Variants in SUCO observed in about 807,000 individuals in gnomAD.
The protein encoded by SUCO is SUN domain containing ossification factor.
SUCO carries 57 observed loss-of-function variants against 148.1 expected under a neutral mutation model. The observed-to-expected ratio is 0.38, with a 90% CI of 0.31 to 0.48. The LOEUF (loss-of-function observed/expected upper bound fraction) is 0.48. SUCO is among the 20% of genes least tolerant of loss of function. The pLI is 0.96. For missense variants in SUCO, 1,331 were observed against 1,468.2 expected, an observed-to-expected ratio of 0.91 and a Z score of 1.53; for synonymous variants, 470 against 502.7, an observed-to-expected ratio of 0.93 and a Z score of 0.87.
chr1:172,587,569 T>A (rs1656331048), intron 17 of SUCO, among the ~76,000 whole-genome samples: 1 of 152,140 alleles, frequency 6.6e-6, no homozygotes, highest in Non-Finnish European at 1.5e-5. Flanking sequence ...GAAATATTAT[T>A]AGAGACTAAA....
intron 13 of SUCO, 80 bp from the exon 14 acceptor site, chr1:172,578,218 A>T: frequency 9.2e-7 from 1 of 1,081,966 alleles, no homozygotes; most frequent in Admixed American, 1.8e-5. Flanking sequence ...ACCAAAGTTG[A>T]TGTTTGTCAT....
chr1:172,573,151 C>T (rs1233352195), intron 9 of SUCO, among the ~76,000 whole-genome samples: 2 of 152,112 alleles, frequency 1.3e-5, no homozygotes, highest in Non-Finnish European at 2.9e-5. Context: ...GCCATCACCA[C>T]AATAAAGATA....
intron 19 of SUCO, among the ~76,000 whole-genome samples, chr1:172,595,934 C>G (rs1165773863): frequency 6.6e-6 from 1 of 152,190 alleles, no homozygotes; most frequent in African/African-American, 2.4e-5. Context: ...TAGATTTGGT[C>G]TTTTCACATA....
chr1:172,569,522 T>C (rs1654789920), intron 7 of SUCO: 1 of 981,218 alleles, frequency 1.0e-6, no homozygotes. Context: ...GTTTTACATA[T>C]GATGTTTCAA....
intron 22 of SUCO, among the ~76,000 whole-genome samples, chr1:172,606,310 A>C (rs1191574773): frequency 6.7e-6 from 1 of 150,002 alleles, no homozygotes; most frequent in South Asian, 2.1e-4. Flanking sequence ...CCATGCTTTC[A>C]TTAAGATTTT....
At position 172,589,510 on chromosome 1, in the gene SUCO, G is replaced by A. The variant is rs1656480923; in HGVS notation, c.2409G>A (p.Met803Ile). The A allele has an allele frequency of 6.2e-7, 1 of 1,612,814 alleles. No homozygotes were observed. ...AAACAAATAAAGTTAATGAGTTAAT[G>A]GATAATATTATAAAAGAAGATGTGA... ...TYETNKVNEL[M>I]DNIIKEDVNS... The change falls in exon 18 of 24, where the codon ATG becomes ATA. Residue 803 changes from methionine (M) to isoleucine (I), a missense_variant. This residue lies in a region of SUCO where 992 missense variants were observed against 1,093.5 expected (regional missense o/e 0.91). Coordinates refer to ENST00000263688, the MANE Select transcript of SUCO (RefSeq NM_014283.5).
At position 172,589,657 on chromosome 1, in the gene SUCO, T is replaced by G. The variant is rs114477288; in HGVS notation, c.2556T>G (p.Thr852=). ...ATATAGCTGACACAGCAAAGCAAAC[T>G]TTGATTTCTGTTGTGGATTCTTCTT... ...KMNIADTAKQ[T]LISVVDSSSL... The change falls in exon 18 of 24, where the codon ACT becomes ACG. Residue 852 remains threonine, a synonymous_variant. Transcript: ENST00000263688. 18 of 1,613,878 alleles carry G rather than the reference T, an allele frequency of 1.1e-5. No homozygotes were observed. The African/African-American group carries it at 2.4e-4, about 22-fold the overall frequency.
chr1:172,588,717 C>A, intron 17 of SUCO, 43 bp from the exon 18 acceptor site: 1 of 1,320,932 alleles, frequency 7.6e-7, no homozygotes, highest in Non-Finnish European at 9.8e-7. Context: ...CAACTTTAGA[C>A]TTCTAAGTAA....
In SUCO at chr1:172,574,724, C is replaced by T. The variant is rs149699523; in HGVS notation, c.1157+726C>T. Reference sequence around the variant, plus strand: ...TTCATAAATACTTTTTGAGTGTCCACGATATGCCATGTAGGATGCTGTTTC... The same window carrying T: ...TTCATAAATACTTTTTGAGTGTCCATGATATGCCATGTAGGATGCTGTTTC... On this transcript the variant is annotated intron_variant, in intron 10 of 23. Transcript: ENST00000263688. 6.5e-4 allele frequency: 113 copies of T among 174,302 alleles called. 1 individual carries two copies. The East Asian group carries it at 0.012, about 18-fold the overall frequency. The allele number at this position is 174,302 out of a possible 1,614,324, so 10.8% of individuals were successfully genotyped here.
intron 13 of SUCO, 82 bp downstream of exon 13, chr1:172,577,901 A>G: frequency 9.3e-7 from 1 of 1,079,338 alleles, no homozygotes; most frequent in Non-Finnish European, 1.3e-6. Context: ...GTGAAGAAAT[A>G]ATTTTCTCTT....
At chr1:172,558,358 T>C (rs1179459195) in intron 6 of SUCO, among the ~76,000 whole-genome samples, 2 of 152,214 alleles carry the variant, frequency 1.3e-5, no homozygotes, top group Non-Finnish European at 2.9e-5. Flanking sequence ...TCATGCACTG[T>C]AGAATTTCTT....
At chr1:172,590,320 T>C in intron 18 of SUCO, 6 of 983,996 alleles carry the variant, frequency 6.1e-6, no homozygotes, top group Non-Finnish European at 7.2e-6. Flanking sequence ...CACTTAAGAG[T>C]TTAGATAAGT....
intron 1 of SUCO, chr1:172,543,067 A>G: frequency 1.0e-6 from 1 of 955,790 alleles, no homozygotes; most frequent in South Asian, 4.8e-5. Flanking sequence ...CATGTAGAGT[A>G]GCTTCATACT....
chr1:172,600,045 AT>A lies in SUCO; in HGVS notation c.2914-18del. The A allele has an allele frequency of 6.5e-7, 1 of 1,531,618 alleles. No homozygotes were observed. The highest frequency in any genetic ancestry group is 8.8e-7 in the Non-Finnish European group (1 of 1,138,180). The allele number at this position is 1,531,618 out of a possible 1,614,324, so 94.9% of individuals were successfully genotyped here. Reference sequence around the variant, plus strand: ...GTTTGTAGTTAATATTCAAAAAAAAATAAATTCCTTTATCATAGGATCAGCG... The same window carrying A: ...GTTTGTAGTTAATATTCAAAAAAAAAAAATTCCTTTATCATAGGATCAGCG... On this transcript the variant is annotated intron_variant, in intron 19 of 23. Coordinates refer to ENST00000263688, the MANE Select transcript of SUCO (RefSeq NM_014283.5).
chr1:172,532,722 A>G (rs191432816), upstream of SUCO: 34 of 1,614,002 alleles, frequency 2.1e-5, no homozygotes, highest in Middle Eastern at 4.9e-4. Flanking sequence ...GGACTGGGAA[A>G]GAGAAAAACG....
At chr1:172,590,278 C>T (rs967888230) in intron 18 of SUCO, 3 of 960,804 alleles carry the variant, frequency 3.1e-6, no homozygotes, top group Non-Finnish European at 3.7e-6. Context: ...GTATATAGAC[C>T]TTAAAGCTTT....
Position 172,557,327 on chromosome 1 carries a change from C to T in SUCO, c.491C>T (p.Thr164Ile). The T allele has an allele frequency of 1.9e-6, 3 of 1,613,890 alleles. No homozygotes were observed. The highest frequency in any genetic ancestry group is 2.5e-6 in the Non-Finnish European group (3 of 1,179,876). Residue 164 changes from threonine to isoleucine, a missense_variant, in exon 5 of 24, where the codon ACT becomes ATT. By Grantham distance (89) the Thr-to-Ile change is moderately conservative (BLOSUM62 -1). Transcript: ENST00000263688. ...GTIPIAKPSE[T>I]EQSETDCDVG... ...ATTCCGATAGCCAAACCAAGTGAAA[C>T]TGAGCAGTCTGAAACTGATTGTGAT... is the stretch of plus-strand genomic sequence containing the variant.
chr1:172,546,929 GA>G (rs1337280911), intron 1 of SUCO, among the ~76,000 whole-genome samples: 1 of 152,124 alleles, frequency 6.6e-6, no homozygotes. Flanking sequence ...TATGTACAGC[GA>G]AATGCACAGA....
intron 14 of SUCO, chr1:172,578,675 A>T: frequency 2.7e-6 from 1 of 375,386 alleles, no homozygotes; most frequent in Non-Finnish European, 3.7e-6. Context: ...CAGGGCCAAA[A>T]ATCTGTTAAA....
Sources: allele counts gnomAD v4.1 joint callset (sites outside exome capture counted in the v4.1 genomes callset), GRCh38; gene constraint gnomAD v4.1.1; regional missense constraint gnomAD v4.1.1; transcripts MANE v1.5; gene names NCBI Gene and HGNC (gene_info 2026-07-23, HGNC 2026-07-21).